The following NCOA3 variants were observed in gnomAD, a reference collection of about 807,000 sequenced individuals.
The protein encoded by NCOA3 is CBP-interacting protein.
A neutral mutation model predicts 158.8 loss-of-function variants in NCOA3; 51 were observed. The ratio of observed to expected loss-of-function variants is 0.32; its 90% CI spans 0.26 to 0.41. NCOA3 has a LOEUF of 0.41. NCOA3 is among the 10% of genes least tolerant of loss of function. The pLI, the probability that NCOA3 is intolerant of heterozygous loss-of-function variation, is 1.00. For missense variants in NCOA3, 1,510 were observed against 1,746.6 expected, an observed-to-expected ratio of 0.86 and a Z score of 2.41; for synonymous variants, 537 against 592.4, an observed-to-expected ratio of 0.91 and a Z score of 1.36.
At chr20:47,502,994 C>A (rs1417837478) in intron 1 of NCOA3, among the ~76,000 whole-genome samples, 1 of 152,130 alleles carries the variant, frequency 6.6e-6, no homozygotes, top group Non-Finnish European at 1.5e-5. Context: ...GCGAAGACTT[C>A]CTTTTTGCAA....
chr20:47,568,711 A>T (rs1478129968), intron 1 of NCOA3, among the ~76,000 whole-genome samples: 1 of 151,472 alleles, frequency 6.6e-6, no homozygotes, highest in Non-Finnish European at 1.5e-5. Flanking sequence ...TGGGAGGATC[A>T]CTTGAACCTG....
intron 1 of NCOA3, among the ~76,000 whole-genome samples, chr20:47,517,923 C>G (rs879313906): frequency 2.0e-5 from 3 of 152,156 alleles, no homozygotes; most frequent in Non-Finnish European, 4.4e-5. Flanking sequence ...GGAATGTACT[C>G]TAAGGCTGAT....
At chr20:47,642,157 A>G (rs114078662) in intron 16 of NCOA3, 56 bp from the exon 17 acceptor site, 138 of 1,325,342 alleles carry the variant, frequency 1.0e-4, no homozygotes, top group African/African-American at 9.5e-4. Flanking sequence ...GCTGTGATCT[A>G]TTACTCTTAG....
rs140219222 is a variant in NCOA3, at chr20:47,564,267, AT to A, written c.-98-18906del. ...AAAACAATCATGTTATTTTGCTTGC[AT>A]TTTTTTTTTCAATTATTGTAGCATG... is the stretch of plus-strand genomic sequence containing the variant. On this transcript the variant is annotated intron_variant, in intron 1 of 22. Transcript: ENST00000371998. Among the ~76,000 whole-genome samples the A allele has an allele frequency of 7.2e-3, 1,061 of 148,094 alleles. 13 individuals carry two copies. The highest frequency in any genetic ancestry group is 0.025 in the African/African-American group (1,002 of 40,426).
intron 2 of NCOA3, among the ~76,000 whole-genome samples, chr20:47,605,364 C>G (rs756598900): frequency 3.3e-5 from 5 of 151,886 alleles, no homozygotes; most frequent in Non-Finnish European, 7.4e-5. Context: ...GATATTATTG[C>G]AATGTTGGTG....
chr20:47,599,872 C>T (rs1053183130), intron 2 of NCOA3, among the ~76,000 whole-genome samples: 3 of 152,106 alleles, frequency 2.0e-5, no homozygotes, highest in Non-Finnish European at 4.4e-5. Context: ...GATCCATCTC[C>T]ACTTCCTGTT....
At chr20:47,502,073 C>T (rs1000531480) in intron 1 of NCOA3, 54 bp downstream of exon 1, 8 of 399,168 alleles carry the variant, frequency 2.0e-5, no homozygotes, top group Non-Finnish European at 3.1e-5. Flanking sequence ...GAGTGCGAGG[C>T]GGAGGGAAGA....
At chr20:47,582,753 A>G (rs1371083515) in intron 1 of NCOA3, among the ~76,000 whole-genome samples, 2 of 152,154 alleles carry the variant, frequency 1.3e-5, no homozygotes, top group African/African-American at 4.8e-5. Context: ...GGTGTACTTG[A>G]TAGCTTTTGT....
chr20:47,562,639 C>T (rs1188652611), intron 1 of NCOA3, among the ~76,000 whole-genome samples: 5 of 151,612 alleles, frequency 3.3e-5, no homozygotes, highest in Non-Finnish European at 7.4e-5. Context: ...GAATGTAAAA[C>T]GGCCTAGGAA....
chr20:47,521,491 C>G (rs1394043911), intron 1 of NCOA3, among the ~76,000 whole-genome samples: 1 of 152,068 alleles, frequency 6.6e-6, no homozygotes, highest in Non-Finnish European at 1.5e-5. Context: ...GTGTCGTTCC[C>G]CTATTGGCTA....
At chr20:47,572,494 T>C (rs1034977042) in intron 1 of NCOA3, among the ~76,000 whole-genome samples, 5 of 152,038 alleles carry the variant, frequency 3.3e-5, no homozygotes, top group Non-Finnish European at 7.4e-5. Context: ...CTCAGCTTTT[T>C]GACATGCCTT....
intron 1 of NCOA3, among the ~76,000 whole-genome samples, chr20:47,523,261 A>G (rs2146086803): frequency 6.6e-6 from 1 of 152,260 alleles, no homozygotes; most frequent in Non-Finnish European, 1.5e-5. Flanking sequence ...GAGATGCCAC[A>G]CTAACTGTTA....
At chr20:47,530,422 A>G (rs1387804284) in intron 1 of NCOA3, among the ~76,000 whole-genome samples, 2 of 151,550 alleles carry the variant, frequency 1.3e-5, no homozygotes, top group African/African-American at 4.8e-5. Context: ...TGCATAGCTC[A>G]GTATTTTGGT....
intron 17 of NCOA3, among the ~76,000 whole-genome samples, chr20:47,645,447 A>C (rs974575526): frequency 1.3e-5 from 2 of 152,184 alleles, no homozygotes; most frequent in Non-Finnish European, 2.9e-5. Context: ...CTGTGGGCAC[A>C]TAAGTCTAAG....
Position 47,637,635 on chromosome 20 carries a change from A to G in NCOA3, c.2377-13A>G. 2 of 1,590,694 alleles carry G rather than the reference A, an allele frequency of 1.3e-6. No individual in the cohort carries two copies. Among genetic ancestry groups the G allele is most frequent in the East Asian group, 4.5e-5 (2 of 44,340 alleles). Reference sequence around the variant, plus strand: ...TAATGTATACAGGTTAATTTTTAAAACTTTATTTTCAGGGATCTGGAGACT... The same window carrying G: ...TAATGTATACAGGTTAATTTTTAAAGCTTTATTTTCAGGGATCTGGAGACT... On this transcript the variant is annotated splice_polypyrimidine_tract_variant and intron_variant, in intron 12 of 22. Coordinates refer to ENST00000371998, the MANE Select transcript of NCOA3 (RefSeq NM_181659.3).
At chr20:47,567,953 T>C (rs1192591262) in intron 1 of NCOA3, among the ~76,000 whole-genome samples, 1 of 152,142 alleles carries the variant, frequency 6.6e-6, no homozygotes, top group African/African-American at 2.4e-5. Flanking sequence ...CAAGTGTTCC[T>C]CCAGCCTCAC....
rs1402429310 is a variant in NCOA3, at chr20:47,618,871, G to A, written c.-19-3358G>A. 4.6e-5 allele frequency among the ~76,000 whole-genome samples: 7 copies of A among 152,306 alleles called. No individual in the cohort carries two copies. The East Asian group carries it at 9.6e-4, about 21-fold the overall frequency. On this transcript the variant is annotated intron_variant, in intron 2 of 22. Coordinates refer to ENST00000371998, the MANE Select transcript of NCOA3 (RefSeq NM_181659.3). ...ATGATCTGCATTTCTGGTTTAAACT[G>A]ATATTTGTGCTTATTAATTTTTTTG... is the stretch of plus-strand genomic sequence containing the variant.
chr20:47,517,599 C>T (rs973602264), intron 1 of NCOA3, among the ~76,000 whole-genome samples: 5 of 151,852 alleles, frequency 3.3e-5, no homozygotes, highest in African/African-American at 4.8e-5. Flanking sequence ...TACAGGTGCT[C>T]GCTACTACAC....
In NCOA3 at chr20:47,569,350, A is replaced by C. The variant is rs151066842; in HGVS notation, c.-98-13833A>C. Among the ~76,000 whole-genome samples the C allele has an allele frequency of 1.5e-3, 217 of 149,546 alleles. 2 individuals carry two copies. Among genetic ancestry groups the C allele is most frequent in the African/African-American group, 5.1e-3 (206 of 40,532 alleles). ...CAACAGAGCCAGACCCTATCTCCCC[A>C]CCCCATACCGTCCCCCAATAAAAAA... On this transcript the variant is annotated intron_variant, in intron 1 of 22. Transcript: ENST00000371998.
Sources: gnomAD v4.1 joint callset for allele counts (sites outside exome capture counted in the v4.1 genomes callset) on GRCh38, gnomAD v4.1.1 for gene constraint, MANE v1.5 for transcripts, NCBI Gene and HGNC (gene_info 2026-07-23, HGNC 2026-07-21) for gene names.